DMAP1: variants seen among roughly 807,000 people sequenced by gnomAD.
DMAP1 encodes the protein DNA methyltransferase 1 associated protein 1.
In DMAP1, 26 loss-of-function variants were observed where a neutral mutation model predicts 52.7. That is an observed-to-expected ratio of 0.49 (90% CI 0.36 to 0.68). The LOEUF is 0.68. Ranked by LOEUF, DMAP1 falls within the 30% of genes least tolerant of loss-of-function variation. The pLI is 0.00. For synonymous variants in DMAP1, 231 were observed against 246.0 expected (o/e 0.94, Z 0.57); for missense variants, 439 against 625.2 (o/e 0.70, Z 3.18).
At chr1:44,215,776 C>A in intron 3 of DMAP1, 1 of 175,446 alleles carries the variant, frequency 5.7e-6, no homozygotes, top group Non-Finnish European at 1.2e-5. Context: ...ATGCCAGCCC[C>A]CTAGTCCAAG....
intron 3 of DMAP1, chr1:44,215,304 A>G (rs753068890): frequency 1.1e-5 from 5 of 457,868 alleles, no homozygotes; most frequent in South Asian, 7.7e-5. Context: ...AATGCCCCAC[A>G]GGTACCTTAC....
rs758280264 is a variant in DMAP1 at position 44,218,180 on chromosome 1, C to T, written c.394-131C>T. ...TAGTCAAGCAGACAAGTTCTTTCCT[C>T]ACTCCATGCTGCAGGGGCACAGGCC... On this transcript the variant is annotated intron_variant, in intron 3 of 9. Transcript: ENST00000372289. The surrounding 1 kb of genome is among the most constrained non-coding windows in gnomAD (Gnocchi z 5.6). 7.3e-6 allele frequency: 9 copies of T among 1,226,826 alleles called. No homozygotes were observed. Among genetic ancestry groups the T allele is most frequent in the East Asian group, 2.3e-5 (1 of 43,094 alleles). 76.0% of individuals were successfully genotyped at this position (1,226,826 alleles called of 1,614,324 possible).
chr1:44,218,334 G>A lies in DMAP1; in HGVS notation c.417G>A (p.Ser139=), dbSNP rs145462822. ...AGACTGTGCAGGTGCCTGTGTACTC[G>A]GAGCAGGAGTACCAGCTTTATCTCC... The part of the protein sequence containing the change: ...FNKTVQVPVY[S]EQEYQLYLHD... The change falls in exon 4 of 10, where the codon TCG becomes TCA. Residue 139 remains serine (S), a synonymous_variant. Transcript: ENST00000372289. The surrounding 1 kb of genome is among the most constrained non-coding windows in gnomAD (Gnocchi z 5.6). 39 of 1,614,076 alleles carry A rather than the reference G, an allele frequency of 2.4e-5. No homozygotes were observed. In the African/African-American group the frequency reaches 2.9e-4, roughly 12 times the overall value.
intron 3 of DMAP1, chr1:44,215,278 CTAATA>C (rs1339559202): frequency 2.2e-6 from 1 of 462,644 alleles, no homozygotes; most frequent in African/African-American, 2.0e-5. Flanking sequence ...CAGTCATTTA[CTAATA>C]TCTCTTTCTC....
At chr1:44,220,461 A>G (rs1643880977) in intron 9 of DMAP1, 98 bp from the exon 10 acceptor site, 2 of 1,604,348 alleles carry the variant, frequency 1.2e-6, no homozygotes, top group Non-Finnish European at 1.7e-6. Context: ...TGGGTTGACC[A>G]GTGGGCGTCC....
At chr1:44,215,060 TG>T in intron 3 of DMAP1, 162 bp downstream of exon 3, 1 of 816,984 alleles carries the variant, frequency 1.2e-6, no homozygotes, top group South Asian at 1.4e-5. Flanking sequence ...TAGGACTCTG[TG>T]GGTCTTTTCT....
At position 44,214,903 on chromosome 1, in the gene DMAP1, G is replaced by T. The variant is rs374236306; in HGVS notation, c.393+5G>T. 1.9e-5 allele frequency: 30 copies of T among 1,613,980 alleles called. No homozygotes were observed. Among genetic ancestry groups the T allele is most frequent in the Non-Finnish European group, 2.5e-5 (29 of 1,179,998 alleles). ...CCCTTTGCCAGGTTCAATAAGGTAA[G>T]CTACCTTCATTCGGACACAGGCCAA... On this transcript the variant is annotated splice_donor_5th_base_variant and intron_variant, in intron 3 of 9. Transcript: ENST00000372289.
In DMAP1 at chr1:44,220,031, C is replaced by T; in HGVS notation, c.1066C>T (p.Pro356Ser). Residue 356 changes from proline to serine, a missense_variant, in exon 9 of 10, where the codon CCT becomes TCT. This residue lies in a region of DMAP1 where 179 missense variants were observed against 285.9 expected (regional missense o/e 0.63). Coordinates refer to ENST00000372289, the MANE Select transcript of DMAP1 (RefSeq NM_019100.5). ...LELGVELSPT[P>S]TEELVHMFNE... ...CCTGCCTGCAGAGCTGAGCCCGACA[C>T]CTACGGAGGAGCTGGTGCACATGTT... The T allele has an allele frequency of 1.9e-6, 3 of 1,600,154 alleles. No individual in the cohort carries two copies. The highest frequency in any genetic ancestry group is 2.6e-6 in the Non-Finnish European group (3 of 1,169,932).
rs1643847624 is a variant in DMAP1, at chr1:44,218,837, C to T, written c.720+82C>T. On this transcript the variant is annotated intron_variant, in intron 5 of 9. Transcript: ENST00000372289. The surrounding 1 kb of genome is among the most constrained non-coding windows in gnomAD (Gnocchi z 5.6). ...CCATCCTCCATCCCCTCAACTCCCA[C>T]TCCCAGGTCCCCCTGCCTCCCACTG... 3 of 1,523,982 alleles carry T rather than the reference C, an allele frequency of 2.0e-6. No individual in the cohort carries two copies. Among genetic ancestry groups the T allele is most frequent in the African/African-American group, 2.8e-5 (2 of 72,370 alleles). The allele number at this position is 1,523,982 out of a possible 1,614,324, so 94.4% of individuals were successfully genotyped here. A position where few individuals can be genotyped will look rare whatever the true frequency, so the allele number is the denominator to read the frequency against.
At chr1:44,217,387 T>C (rs561705913) in intron 3 of DMAP1, 1 of 152,372 alleles carries the variant, frequency 6.6e-6, no homozygotes, top group Admixed American at 6.5e-5. Context: ...TGACAGTGGG[T>C]AGGCCGACGG....
At chr1:44,219,993 G>T in intron 8 of DMAP1, 24 bp from the exon 9 acceptor site, 1 of 1,598,366 alleles carries the variant, frequency 6.3e-7, no homozygotes, top group Non-Finnish European at 8.6e-7. Context: ...GGCTCTGCCC[G>T]TGCTGCCTGC....
At chr1:44,219,658 C>T in intron 7 of DMAP1, 148 bp from the exon 8 acceptor site, 1 of 1,202,924 alleles carries the variant, frequency 8.3e-7, no homozygotes, top group Non-Finnish European at 1.2e-6. Flanking sequence ...TCACTATATT[C>T]AGCTTCCTGG....
chr1:44,213,927 G>T lies in DMAP1; in HGVS notation c.105+69G>T. The T allele has an allele frequency of 7.1e-7, 1 of 1,410,624 alleles. No homozygotes were observed. The highest frequency in any genetic ancestry group is 2.5e-5 in the East Asian group (1 of 40,242). 87.4% of individuals were successfully genotyped at this position (1,410,624 alleles called of 1,614,324 possible). Reference sequence around the variant, plus strand: ...AGTGAAGATGGGGAGGAGTGACAACGGGCAAGGGATGGGTGCTACACTTAC... The same window carrying T: ...AGTGAAGATGGGGAGGAGTGACAACTGGCAAGGGATGGGTGCTACACTTAC... On this transcript the variant is annotated intron_variant, in intron 1 of 9. Transcript: ENST00000372289. The surrounding 1 kb of genome is among the most constrained non-coding windows in gnomAD (Gnocchi z 4.5).
intron 1 of DMAP1, 89 bp from the exon 2 acceptor site, chr1:44,214,261 G>C: frequency 8.1e-7 from 1 of 1,230,726 alleles, no homozygotes; most frequent in South Asian, 1.3e-5. Flanking sequence ...GACCCTGTAG[G>C]TGCTGCTTTG....
At position 44,219,839 on chromosome 1, in the gene DMAP1, A is replaced by G; in HGVS notation, c.1012A>G (p.Ile338Val). 6.2e-7 allele frequency: 1 copy of G among 1,614,190 alleles called. No homozygotes were observed. The highest frequency in any genetic ancestry group is 8.5e-7 in the Non-Finnish European group (1 of 1,180,042). The part of the protein sequence containing the change: ...KLPSSVGQKK[I>V]KALEQMLLEL... ...GCCAAGCTCTGTGGGACAGAAGAAG[A>G]TCAAGGCCCTGGAACAGATGCTGCT... is the stretch of plus-strand genomic sequence containing the variant. The change falls in exon 8 of 10, where the codon ATC becomes GTC. Residue 338 changes from isoleucine (I) to valine (V), a missense_variant. Physicochemically the swap from Ile to Val is conservative, Grantham distance 29 (BLOSUM62 3). This residue lies in a region of DMAP1 where 179 missense variants were observed against 285.9 expected (regional missense o/e 0.63). Coordinates refer to ENST00000372289, the MANE Select transcript of DMAP1 (RefSeq NM_019100.5).
chr1:44,216,589 T>A lies in DMAP1; in HGVS notation c.393+1691T>A, dbSNP rs1012207385. On this transcript the variant is annotated intron_variant, in intron 3 of 9. Coordinates refer to ENST00000372289, the MANE Select transcript of DMAP1 (RefSeq NM_019100.5). ...TGAATTAAAATGCATAGGAGAAATA[T>A]GTAACCAAACCTGGGAAACCAGAGA... 3 of 152,304 alleles carry A rather than the reference T, an allele frequency of 2.0e-5. No individual in the cohort carries two copies. In the East Asian group the frequency reaches 5.8e-4, roughly 29 times the overall value. 9.4% of individuals were successfully genotyped at this position (152,304 alleles called of 1,614,324 possible). A position where few individuals can be genotyped will look rare whatever the true frequency, so the allele number is the denominator to read the frequency against.
rs781590748 is a variant in DMAP1 at position 44,218,547 on chromosome 1, G to A, written c.553-41G>A. On this transcript the variant is annotated intron_variant, in intron 4 of 9. Coordinates refer to ENST00000372289, the MANE Select transcript of DMAP1 (RefSeq NM_019100.5). The surrounding 1 kb of genome is among the most constrained non-coding windows in gnomAD (Gnocchi z 5.6). ...TACTTTTATGCCATCTCTTCCACAT[G>A]CCCCTGAATGTTCATTCCTCTACCC... is the stretch of plus-strand genomic sequence containing the variant. 1.2e-6 allele frequency: 2 copies of A among 1,607,924 alleles called. No individual in the cohort carries two copies. Among genetic ancestry groups the A allele is most frequent in the South Asian group, 2.2e-5 (2 of 90,758 alleles).
intron 7 of DMAP1, 66 bp downstream of exon 7, chr1:44,219,543 A>G (rs1370144486): frequency 1.4e-6 from 2 of 1,462,542 alleles, no homozygotes; most frequent in Non-Finnish European, 1.8e-6. Context: ...ATGTGTCCCA[A>G]ACGCTGCAGG....
Position 44,213,952 on chromosome 1 carries a change from C to A in DMAP1, c.105+94C>A. On this transcript the variant is annotated intron_variant, in intron 1 of 9. Coordinates refer to ENST00000372289, the MANE Select transcript of DMAP1 (RefSeq NM_019100.5). This position sits in a 1 kb window ranked among gnomAD's most constrained non-coding sequence, Gnocchi z 4.5. The stretch of plus-strand genomic sequence containing the variant: ...GGGCAAGGGATGGGTGCTACACTTA[C>A]AGTGAGTTGGGCGATAAAAGGGGTG... 8.7e-7 allele frequency: 1 copy of A among 1,150,944 alleles called. No homozygotes were observed. The highest frequency in any genetic ancestry group is 1.3e-6 in the Non-Finnish European group (1 of 793,622). The allele number at this position is 1,150,944 out of a possible 1,614,324, so 71.3% of individuals were successfully genotyped here. A position where few individuals can be genotyped will look rare whatever the true frequency, so the allele number is the denominator to read the frequency against.
Sources: allele counts gnomAD v4.1 joint callset, GRCh38; gene constraint gnomAD v4.1.1; regional missense constraint gnomAD v4.1.1; non-coding constraint Gnocchi (gnomAD v3.1); transcripts MANE v1.5; gene names NCBI Gene and HGNC (gene_info 2026-07-23, HGNC 2026-07-21).